The following USP35 variants were observed in gnomAD, a reference collection of about 807,000 sequenced individuals.
The protein encoded by USP35 is ubiquitin carboxyl-terminal hydrolase 35.
Under a neutral mutation model 83.8 loss-of-function variants are expected in USP35, and 69 were observed. The observed-to-expected ratio is 0.82, with a 90% CI of 0.68 to 1.01. The LOEUF (loss-of-function observed/expected upper bound fraction) is 1.01. USP35 is among the 50% of genes least tolerant of loss of function. The pLI, the probability that USP35 is intolerant of heterozygous loss-of-function variation, is 0.00. For missense variants in USP35, 1,503 were observed against 1,362.5 expected (o/e 1.10, Z -1.62); for synonymous variants, 714 against 589.5 (o/e 1.21, Z -3.06).
At chr11:78,198,584 C>T in intron 3 of USP35, 1 of 984,248 alleles carries the variant, frequency 1.0e-6, no homozygotes, top group African/African-American at 1.7e-5. Flanking sequence ...TCCCTGCAGG[C>T]CTTTGCCTAT....
In USP35 at chr11:78,206,079, C is replaced by G. The variant is rs1291005275; in HGVS notation, c.1391+44C>G. 5 of 1,584,140 alleles carry G rather than the reference C, an allele frequency of 3.2e-6. No individual in the cohort carries two copies. The Admixed American group carries it at 6.8e-5, about 22-fold the overall frequency. On this transcript the variant is annotated intron_variant, in intron 7 of 10. Transcript: ENST00000529308. The stretch of plus-strand genomic sequence containing the variant: ...TTCCCTGTCTGCCCTTGCTTCTCTC[C>G]TCTGGGCTCCCTGATGACAGGTGGA...
intron 1 of USP35, among the ~76,000 whole-genome samples, chr11:78,191,323 C>T (rs771131421): frequency 6.6e-6 from 1 of 152,214 alleles, no homozygotes; most frequent in Admixed American, 6.5e-5. Flanking sequence ...TTGGGATTTT[C>T]CTGAGTGCTC....
the USP35 span, among the ~76,000 whole-genome samples, chr11:78,224,486 G>C: frequency 6.6e-6 from 1 of 152,214 alleles, no homozygotes; most frequent in South Asian, 2.1e-4. Context: ...CCAAGCTGCA[G>C]TCAGAGCTTC....
the USP35 span, among the ~76,000 whole-genome samples, chr11:78,235,183 C>T: frequency 6.6e-6 from 1 of 151,944 alleles, no homozygotes; most frequent in Non-Finnish European, 1.5e-5. Context: ...GACAGAGTCT[C>T]ACTCTGTCGC....
Position 78,210,559 on chromosome 11 carries a change from T to G in USP35, c.2704T>G (p.Ser902Ala). Residue 902 changes from serine (S) to alanine (A), a missense_variant, in exon 10 of 11, where the codon TCC becomes GCC. Physicochemically the swap from Ser to Ala is moderately conservative, Grantham distance 99 (BLOSUM62 1). Coordinates refer to ENST00000529308, the MANE Select transcript of USP35 (RefSeq NM_020798.4). ...CAATGACACTCGGGTGTCCTTCTCT[T>G]CCTTCGAATCTGTCAGCAACGTCAC... ...LFNDTRVSFS[S>A]FESVSNVTSF... The G allele has an allele frequency of 1.2e-6, 2 of 1,612,988 alleles. 1 individual carries two copies. Among genetic ancestry groups the G allele is most frequent in the South Asian group, 2.2e-5 (2 of 91,050 alleles).
downstream of USP35, chr11:78,216,328 C>G (rs905799244): frequency 2.0e-5 from 3 of 152,136 alleles, no homozygotes; most frequent in African/African-American, 4.8e-5. Context: ...ATCCCCTTTC[C>G]GTAGGCTCAG....
chr11:78,208,611 G>A (rs1863610117), intron 8 of USP35, among the ~76,000 whole-genome samples: 1 of 152,180 alleles, frequency 6.6e-6, no homozygotes, highest in African/African-American at 2.4e-5. Context: ...GGTGTGCCAG[G>A]AAGAGAAGAT....
chr11:78,234,722 A>T, the USP35 span, among the ~76,000 whole-genome samples: 1 of 151,870 alleles, frequency 6.6e-6, no homozygotes, highest in South Asian at 2.1e-4. Context: ...CCAATACAAC[A>T]TTATCTTGAT....
At chr11:78,200,997 G>T (rs1590903741) in intron 6 of USP35, among the ~76,000 whole-genome samples, 189 bp downstream of exon 6, 1 of 152,200 alleles carries the variant, frequency 6.6e-6, no homozygotes, top group African/African-American at 2.4e-5. Context: ...AAGTAGGCTG[G>T]GCTGCCTCAT....
rs1863207164 is a variant in USP35, at chr11:78,197,985, A to G, written c.723A>G (p.Pro241=). 6.2e-7 allele frequency: 1 copy of G among 1,614,220 alleles called. No individual in the cohort carries two copies. Among genetic ancestry groups the G allele is most frequent in the Non-Finnish European group, 8.5e-7 (1 of 1,180,028 alleles). ...TGGCCAGCGTGGTCCAGCACCTCCC[A>G]TTGGAGCTCATGGATGGTGTTGTCC... ...SALASVVQHL[P]LELMDGVVRN... is the part of the protein sequence containing the mutation. The change falls in exon 3 of 11, where the codon CCA becomes CCG. Residue 241 remains proline, a synonymous_variant. Transcript: ENST00000529308.
downstream of USP35, chr11:78,216,585 G>A (rs1261654428): frequency 2.7e-5 from 4 of 149,376 alleles, no homozygotes; most frequent in African/African-American, 5.1e-5. Context: ...ACCAGAATAG[G>A]GGGCTGGAAG....
At chr11:78,220,525 G>T in the USP35 span, 1 of 1,263,128 alleles carries the variant, frequency 7.9e-7, no homozygotes, top group Non-Finnish European at 1.1e-6. Flanking sequence ...CTGGGAGTAA[G>T]AACACTGTTT....
chr11:78,235,494 G>C, the USP35 span, among the ~76,000 whole-genome samples: 1 of 152,096 alleles, frequency 6.6e-6, no homozygotes, highest in South Asian at 2.1e-4. Context: ...CAAATTTTCC[G>C]AACATTTATG....
intron 6 of USP35, among the ~76,000 whole-genome samples, chr11:78,203,547 C>T (rs1269197882): frequency 2.6e-5 from 4 of 151,920 alleles, no homozygotes; most frequent in Non-Finnish European, 1.5e-5. Flanking sequence ...GTATGTATGT[C>T]GTAATTATAA....
the USP35 span, chr11:78,226,439 G>A: frequency 6.4e-7 from 1 of 1,554,088 alleles, no homozygotes; most frequent in Non-Finnish European, 8.9e-7. Flanking sequence ...TCCTCCCTCT[G>A]AGTCTCAGCT....
chr11:78,219,255 C>T (rs2134448585), downstream of USP35: 1 of 1,611,642 alleles, frequency 6.2e-7, no homozygotes, highest in Non-Finnish European at 8.5e-7. Flanking sequence ...CTCCTGGGCT[C>T]TGCGGTGGCC....
the USP35 span, among the ~76,000 whole-genome samples, chr11:78,222,609 G>A: frequency 6.6e-6 from 1 of 151,122 alleles, no homozygotes; most frequent in South Asian, 2.1e-4. Context: ...TTAAGACGGG[G>A]TCTCACTCTG....
At chr11:78,230,646 A>G in the USP35 span, among the ~76,000 whole-genome samples, 1 of 152,258 alleles carries the variant, frequency 6.6e-6, no homozygotes, top group East Asian at 1.9e-4. Context: ...TGCCAGGCAT[A>G]TGATAGATAA....
the USP35 span, among the ~76,000 whole-genome samples, chr11:78,231,336 GGTGTGT>G: frequency 1.1e-4 from 16 of 145,898 alleles, no homozygotes; most frequent in South Asian, 4.4e-4. Context: ...GCGCGTGTGT[GGTGTGT>G]GTGTGTGTGT....
Sources: gnomAD v4.1 joint callset for allele counts (sites outside exome capture counted in the v4.1 genomes callset) on GRCh38, gnomAD v4.1.1 for gene constraint, MANE v1.5 for transcripts, NCBI Gene and HGNC (gene_info 2026-07-23, HGNC 2026-07-21) for gene names.